The following ATP2B4 variants were observed in gnomAD, a reference collection of about 807,000 sequenced individuals.
ATP2B4 encodes the protein ATPase plasma membrane Ca2+ transporting 4.
In ATP2B4, 39 loss-of-function variants were observed where a neutral mutation model predicts 110.3. That is an observed-to-expected ratio of 0.35 (90% CI 0.27 to 0.46). The LOEUF (loss-of-function observed/expected upper bound fraction) is 0.46, where lower values mean the gene tolerates loss of function less well. Among genes scored for constraint, ATP2B4 ranks in the 20% least tolerant of loss-of-function variants. The pLI is 1.00. For synonymous variants in ATP2B4, 538 were observed against 571.7 expected, an observed-to-expected ratio of 0.94 and a Z score of 0.84; for missense variants, 1,135 against 1,530.9, an observed-to-expected ratio of 0.74 and a Z score of 4.32.
chr1:203,664,577 G>A (rs1322657876), intron 1 of ATP2B4, among the ~76,000 whole-genome samples: 1 of 152,190 alleles, frequency 6.6e-6, no homozygotes, highest in Non-Finnish European at 1.5e-5. Context: ...AGGTTTGGCT[G>A]AGAGGCACTG....
rs112876606 is a variant in ATP2B4, at chr1:203,715,046, C to G, written c.2406+769C>G. Among the ~76,000 whole-genome samples, 563 of 152,228 alleles carry G rather than the reference C, an allele frequency of 3.7e-3. 4 individuals are homozygous for G. Among genetic ancestry groups the G allele is most frequent in the African/African-American group, 0.013 (542 of 41,550 alleles). On this transcript the variant is annotated intron_variant, in intron 15 of 20. Coordinates refer to ENST00000357681, the MANE Select transcript of ATP2B4 (RefSeq NM_001684.5). ...CCAATCTTGTTTCAGTGATTCCCCC[C>G]CATTTACATCCCCAGTCTTCAGCTG...
intron 2 of ATP2B4, among the ~76,000 whole-genome samples, chr1:203,690,891 C>T (rs1665352673): frequency 6.6e-6 from 1 of 152,182 alleles, no homozygotes; most frequent in African/African-American, 2.4e-5. Context: ...TCTGCCCCTC[C>T]CCATCCCCCA....
At chr1:203,696,355 G>A (rs760133897) in intron 2 of ATP2B4, among the ~76,000 whole-genome samples, 38 of 152,136 alleles carry the variant, frequency 2.5e-4, no homozygotes, top group Non-Finnish European at 4.7e-4. Flanking sequence ...AAGGCCTCTG[G>A]CATCCAAGTC....
At chr1:203,653,836 C>A (rs1289405480) in intron 1 of ATP2B4, among the ~76,000 whole-genome samples, 1 of 151,394 alleles carries the variant, frequency 6.6e-6, no homozygotes, top group East Asian at 2.0e-4. Context: ...GGATTACAGG[C>A]GTGAGCCACC....
chr1:203,634,404 G>A (rs1663373840), intron 1 of ATP2B4, among the ~76,000 whole-genome samples: 1 of 152,160 alleles, frequency 6.6e-6, no homozygotes, highest in South Asian at 2.1e-4. Flanking sequence ...GGAGTGCAGT[G>A]GCCCATAGCC....
intron 1 of ATP2B4, among the ~76,000 whole-genome samples, chr1:203,671,031 T>A (rs1371367119): frequency 6.6e-6 from 1 of 152,230 alleles, no homozygotes; most frequent in Non-Finnish European, 1.5e-5. Flanking sequence ...AATGTGTCTG[T>A]TGGCAGTAAG....
chr1:203,628,569 A>G (rs879639270), intron 1 of ATP2B4, among the ~76,000 whole-genome samples: 9 of 152,240 alleles, frequency 5.9e-5, no homozygotes, highest in Admixed American at 5.9e-4. Context: ...ACAAAATCCC[A>G]TTCTGCAGCG....
intron 1 of ATP2B4, among the ~76,000 whole-genome samples, chr1:203,638,939 A>G (rs566924576): frequency 6.6e-6 from 1 of 152,376 alleles, no homozygotes; most frequent in Admixed American, 6.5e-5. Context: ...AGCTCCTAAC[A>G]GTCCCCTCCA....
chr1:203,711,323 A>G (rs1160454607), intron 12 of ATP2B4, among the ~76,000 whole-genome samples: 1 of 152,158 alleles, frequency 6.6e-6, no homozygotes, highest in South Asian at 2.1e-4. Flanking sequence ...CAAAGGGCTT[A>G]TTGGGCTCAT....
intron 20 of ATP2B4, chr1:203,733,603 A>G (rs898233464): frequency 1.6e-5 from 8 of 505,442 alleles, no homozygotes; most frequent in Non-Finnish European, 2.4e-5. Flanking sequence ...TAGAAAAGCT[A>G]TTAAACCTTA....
In ATP2B4 at chr1:203,731,849, C is replaced by CAAAA. The variant is rs35528335; in HGVS notation, c.3309+4296_3309+4299dup. ...TGGGTGACAGAGCGAGACTCTGTCTCAAAAAAAAAAAAAAAAAAAAAGGAA... is the reference window on the plus strand; with the variant it reads ...TGGGTGACAGAGCGAGACTCTGTCTCAAAAAAAAAAAAAAAAAAAAAAAAAGGAA... On this transcript the variant is annotated intron_variant, in intron 20 of 20. Transcript: ENST00000357681. 5.0e-3 allele frequency among the ~76,000 whole-genome samples: 253 copies of CAAAA among 50,354 alleles called. 10 individuals are homozygous for CAAAA. Among genetic ancestry groups the CAAAA allele is most frequent in the African/African-American group, 6.7e-3 (74 of 11,018 alleles). The allele number at this position is 50,354 out of a possible 152,430, so 33.0% of individuals were successfully genotyped here.
chr1:203,640,669 C>T (rs1162163437), intron 1 of ATP2B4, among the ~76,000 whole-genome samples: 1 of 152,074 alleles, frequency 6.6e-6, no homozygotes, highest in Non-Finnish European at 1.5e-5. Context: ...AAGTAATAAT[C>T]GAGCTAACAT....
At position 203,707,968 on chromosome 1, in the gene ATP2B4, G is replaced by A. The variant is rs774019293; in HGVS notation, c.1421G>A (p.Arg474His). 7 of 1,614,020 alleles carry A rather than the reference G, an allele frequency of 4.3e-6. No homozygotes were observed. Among genetic ancestry groups the A allele is most frequent in the East Asian group, 4.5e-5 (2 of 44,894 alleles). Reference protein sequence around the residue: ...SDKTGTLTMNRMTVVQAYIGG... With the variant: ...SDKTGTLTMNHMTVVQAYIGG... ...AAGACAGGCACGTTGACCATGAACC[G>A]CATGACTGTGGTACAAGCTTATATT... Residue 474 changes from arginine to histidine, a missense_variant, in exon 10 of 21, where the codon CGC (arginine) becomes CAC (histidine). Arg to His is a conservative substitution (Grantham distance 29, BLOSUM62 0). Transcript: ENST00000357681.
intron 1 of ATP2B4, among the ~76,000 whole-genome samples, chr1:203,651,676 C>T (rs1273715951): frequency 6.6e-6 from 1 of 151,886 alleles, no homozygotes; most frequent in Non-Finnish European, 1.5e-5. Context: ...GCAAGAAAAT[C>T]ACTGAGTCCA....
At chr1:203,674,798 A>G (rs1664781677) in intron 1 of ATP2B4, among the ~76,000 whole-genome samples, 1 of 151,946 alleles carries the variant, frequency 6.6e-6, no homozygotes, top group South Asian at 2.1e-4. Flanking sequence ...CTGGGACTAC[A>G]GGCACGTGCC....
At chr1:203,659,860 G>C (rs1317356812) in intron 1 of ATP2B4, among the ~76,000 whole-genome samples, 1 of 152,040 alleles carries the variant, frequency 6.6e-6, no homozygotes, top group Non-Finnish European at 1.5e-5. Flanking sequence ...AAGGCAGGTG[G>C]ATCACAAGAT....
chr1:203,651,037 A>G (rs1663975470), intron 1 of ATP2B4, among the ~76,000 whole-genome samples: 1 of 152,166 alleles, frequency 6.6e-6, no homozygotes. Flanking sequence ...GGCCTCCCAA[A>G]GTGCTGGGAT....
At position 203,699,468 on chromosome 1, in the gene ATP2B4, C is replaced by A; in HGVS notation, c.400C>A (p.Gln134Lys). 6.2e-7 allele frequency: 1 copy of A among 1,614,084 alleles called. No homozygotes were observed. Among genetic ancestry groups the A allele is most frequent in the South Asian group, 1.1e-5 (1 of 91,026 alleles). Residue 134 changes from glutamine to lysine, a missense_variant, in exon 4 of 21, where the codon CAA (glutamine) becomes AAA (lysine). Gln to Lys is a moderately conservative substitution (Grantham distance 53). This residue lies in a region of ATP2B4 where 101 missense variants were observed against 182.6 expected (regional missense o/e 0.55). Coordinates refer to ENST00000357681, the MANE Select transcript of ATP2B4 (RefSeq NM_001684.5). ...CTCCCTTCCTGGGATAGTGTGTGGT[C>A]AAGTCGCAACTACCCCAGAAGATGA... ...PAGEENELCG[Q>K]VATTPEDENE...
chr1:203,638,328 T>C (rs1663521853), intron 1 of ATP2B4, among the ~76,000 whole-genome samples: 1 of 152,208 alleles, frequency 6.6e-6, no homozygotes, highest in South Asian at 2.1e-4. Context: ...CCTGTCTGCT[T>C]TCCTGGCACT....
Sources: gnomAD v4.1 joint callset for allele counts (sites outside exome capture counted in the v4.1 genomes callset) on GRCh38, gnomAD v4.1.1 for gene constraint, gnomAD v4.1.1 regional missense constraint, MANE v1.5 for transcripts, NCBI Gene and HGNC (gene_info 2026-07-23, HGNC 2026-07-21) for gene names.